The following GULP1 variants were observed in gnomAD, a reference collection of about 807,000 sequenced individuals.
GULP1 encodes the protein GULP PTB domain containing engulfment adaptor 1.
In GULP1, 19 loss-of-function variants were observed where a neutral mutation model predicts 40.9. The ratio of observed to expected loss-of-function variants is 0.46; its 90% CI spans 0.32 to 0.68. The LOEUF (loss-of-function observed/expected upper bound fraction) is 0.68, where lower values mean the gene tolerates loss of function less well. Ranked by LOEUF, GULP1 falls within the 30% of genes least tolerant of loss-of-function variation. The pLI is 0.03. For missense variants in GULP1, 312 were observed against 362.2 expected (o/e 0.86, Z 1.12); for synonymous variants, 119 against 117.6 (o/e 1.01, Z -0.08).
chr2:188,470,082 T>A (rs913238672), intron 2 of GULP1, among the ~76,000 whole-genome samples: 1 of 152,014 alleles, frequency 6.6e-6, no homozygotes, highest in Non-Finnish European at 1.5e-5. Context: ...ATAGAATGAG[T>A]TTGGAAGTAT....
chr2:188,313,320 T>C (rs1429971521), intron 1 of GULP1, among the ~76,000 whole-genome samples: 1 of 152,154 alleles, frequency 6.6e-6, no homozygotes, highest in East Asian at 1.9e-4. Context: ...AGGGGTCCAG[T>C]TTCAATTTTC....
chr2:188,477,350 GA>G (rs2061096484), intron 2 of GULP1, among the ~76,000 whole-genome samples: 1 of 151,988 alleles, frequency 6.6e-6, no homozygotes, highest in Admixed American at 6.6e-5. Context: ...ACAAGCTGAG[GA>G]AAAAGTATTG....
At chr2:188,316,690 C>T (rs1411236819) in intron 1 of GULP1, among the ~76,000 whole-genome samples, 1 of 152,098 alleles carries the variant, frequency 6.6e-6, no homozygotes, top group African/African-American at 2.4e-5. Flanking sequence ...TTGGTATTTC[C>T]CATTAATCCT....
At chr2:188,516,312 T>C (rs563153547) in intron 4 of GULP1, among the ~76,000 whole-genome samples, 117 of 152,338 alleles carry the variant, frequency 7.7e-4, no homozygotes, top group Non-Finnish European at 1.5e-3. Flanking sequence ...TGAAGTTACT[T>C]TCTTCCATTA....
At chr2:188,493,060 T>A (rs1016471826) in intron 4 of GULP1, among the ~76,000 whole-genome samples, 2 of 152,122 alleles carry the variant, frequency 1.3e-5, no homozygotes, top group Non-Finnish European at 2.9e-5. Flanking sequence ...AATTACATAT[T>A]GAAATGCATT....
chr2:188,456,278 G>A (rs1006546466), intron 2 of GULP1, among the ~76,000 whole-genome samples: 1 of 152,196 alleles, frequency 6.6e-6, no homozygotes, highest in African/African-American at 2.4e-5. Context: ...GGGCATGTCA[G>A]AGACCTTTGC....
intron 9 of GULP1, among the ~76,000 whole-genome samples, chr2:188,579,909 T>C (rs1700915931): frequency 6.6e-6 from 1 of 152,046 alleles, no homozygotes; most frequent in African/African-American, 2.4e-5. Flanking sequence ...CCAACATATA[T>C]CCTAAAAAAT....
At chr2:188,560,858 T>C (rs72896869) in intron 7 of GULP1, among the ~76,000 whole-genome samples, 1,813 of 152,246 alleles carry the variant, frequency 0.012, 14 homozygotes, top group East Asian at 0.02. Context: ...GAGAACCTAC[T>C]CACTAATTTG....
chr2:188,393,873 T>C (rs1574967634), intron 2 of GULP1, among the ~76,000 whole-genome samples: 1 of 152,120 alleles, frequency 6.6e-6, no homozygotes, highest in Admixed American at 6.5e-5. Context: ...CCTGGTAAGG[T>C]TTTTGCTGAG....
intron 10 of GULP1, among the ~76,000 whole-genome samples, chr2:188,587,161 A>G (rs898913504): frequency 1.8e-4 from 28 of 152,244 alleles, no homozygotes; most frequent in Admixed American, 7.2e-4. Context: ...ACAAACATCA[A>G]TTTTAACTTT....
At chr2:188,371,477 C>T (rs1460786838) in intron 1 of GULP1, among the ~76,000 whole-genome samples, 2 of 152,038 alleles carry the variant, frequency 1.3e-5, no homozygotes, top group African/African-American at 4.8e-5. Flanking sequence ...ATTTCTGAGT[C>T]CTGACCTTGG....
At chr2:188,449,786 T>G (rs753149778) in intron 2 of GULP1, among the ~76,000 whole-genome samples, 15 of 152,204 alleles carry the variant, frequency 9.9e-5, no homozygotes, top group Non-Finnish European at 2.2e-4. Flanking sequence ...ATGGCCAAAG[T>G]GAATTGTTGC....
At chr2:188,476,953 A>G (rs913503661) in intron 2 of GULP1, among the ~76,000 whole-genome samples, 4 of 152,136 alleles carry the variant, frequency 2.6e-5, no homozygotes, top group African/African-American at 4.8e-5. Flanking sequence ...TCTCAATTGG[A>G]CAACAGTACA....
intron 1 of GULP1, among the ~76,000 whole-genome samples, chr2:188,335,014 G>A (rs1374055304): frequency 2.0e-5 from 3 of 152,060 alleles, no homozygotes; most frequent in Admixed American, 6.5e-5. Flanking sequence ...AAAGATATAC[G>A]GAACAATTTT....
At chr2:188,354,471 A>G (rs10182377) in intron 1 of GULP1, among the ~76,000 whole-genome samples, 28,200 of 152,064 alleles carry the variant, frequency 0.19, 2,698 homozygotes, top group East Asian at 0.25. Flanking sequence ...TCTGTGGGCA[A>G]TCTATATCCA....
At chr2:188,324,826 A>G (rs1234623027) in intron 1 of GULP1, among the ~76,000 whole-genome samples, 2 of 152,012 alleles carry the variant, frequency 1.3e-5, no homozygotes, top group Non-Finnish European at 2.9e-5. Flanking sequence ...ATAAAACTAC[A>G]GAACCTAAGG....
In GULP1 at chr2:188,473,417, G is replaced by A. The variant is rs149916340; in HGVS notation, c.-44-4242G>A. On this transcript the variant is annotated intron_variant, in intron 2 of 11. Transcript: ENST00000409830. ...GGTCCAGAGTTGCCTATTGGAAGCC[G>A]TGAACTAGAGTCAAAACCACTTAGA... Among the ~76,000 whole-genome samples the A allele has an allele frequency of 3.4e-3, 524 of 152,320 alleles. 1 individual carries two copies. Among genetic ancestry groups the A allele is most frequent in the Non-Finnish European group, 4.6e-3 (315 of 68,036 alleles).
chr2:188,302,679 G>T (rs1200054116), intron 1 of GULP1, among the ~76,000 whole-genome samples: 4 of 152,184 alleles, frequency 2.6e-5, no homozygotes, highest in Admixed American at 2.6e-4. Context: ...TCAGGCTCTT[G>T]TGCGTCCTCT....
At chr2:188,469,676 A>T (rs992518424) in intron 2 of GULP1, among the ~76,000 whole-genome samples, 2 of 152,160 alleles carry the variant, frequency 1.3e-5, no homozygotes, top group African/African-American at 2.4e-5. Flanking sequence ...ATTTAGTATG[A>T]TAGTAGCTGT....
Sources: gnomAD v4.1 joint callset for allele counts (sites outside exome capture counted in the v4.1 genomes callset) on GRCh38, gnomAD v4.1.1 for gene constraint, MANE v1.5 for transcripts, NCBI Gene and HGNC (gene_info 2026-07-23, HGNC 2026-07-21) for gene names.